The following CMSS1 variants were observed in gnomAD, a reference collection of about 807,000 sequenced individuals.
CMSS1 encodes protein CMSS1.
A neutral mutation model predicts 43.5 loss-of-function variants in CMSS1; 33 were observed. The ratio of observed to expected loss-of-function variants is 0.76; its 90% CI spans 0.57 to 1.01. The LOEUF is 1.01. CMSS1 is among the 50% of genes least tolerant of loss of function. CMSS1 has a pLI of 0.00. For synonymous variants in CMSS1, 115 were observed against 117.2 expected, an observed-to-expected ratio of 0.98 and a Z score of 0.12; for missense variants, 313 against 326.4, an observed-to-expected ratio of 0.96 and a Z score of 0.32.
At chr3:100,142,781 T>G (rs1449445141) in intron 1 of CMSS1, among the ~76,000 whole-genome samples, 1 of 152,216 alleles carries the variant, frequency 6.6e-6, no homozygotes, top group Non-Finnish European at 1.5e-5. Flanking sequence ...TATAAGGGAT[T>G]AAATGCTTTA....
chr3:99,965,073 A>G (rs1397439461), intron 1 of CMSS1, among the ~76,000 whole-genome samples: 1 of 152,226 alleles, frequency 6.6e-6, no homozygotes, highest in Non-Finnish European at 1.5e-5. Context: ...GGAAATTTAC[A>G]AGTGTTATTT....
chr3:100,083,999 G>A (rs528674373), intron 1 of CMSS1, among the ~76,000 whole-genome samples: 56 of 152,206 alleles, frequency 3.7e-4, no homozygotes, highest in African/African-American at 1.3e-3. Context: ...ATATTTCTCC[G>A]TTATAGTTAA....
chr3:99,887,931 G>C (rs1705961957), intron 1 of CMSS1, among the ~76,000 whole-genome samples: 1 of 151,916 alleles, frequency 6.6e-6, no homozygotes, highest in African/African-American at 2.4e-5. Flanking sequence ...ATAAAGATGG[G>C]GTTTTGCCAT....
chr3:99,978,933 G>T (rs892144357), intron 1 of CMSS1, among the ~76,000 whole-genome samples: 1 of 152,116 alleles, frequency 6.6e-6, no homozygotes, highest in Non-Finnish European at 1.5e-5. Flanking sequence ...GATTACTGGA[G>T]GCTGGGAGGA....
At chr3:100,009,653 G>A (rs890162642) in intron 1 of CMSS1, among the ~76,000 whole-genome samples, 1 of 152,182 alleles carries the variant, frequency 6.6e-6, no homozygotes, top group Non-Finnish European at 1.5e-5. Flanking sequence ...ACATCTAAGT[G>A]TTAAGGGGAA....
chr3:100,032,597 CAT>C (rs1262324063), intron 1 of CMSS1, among the ~76,000 whole-genome samples: 2 of 152,060 alleles, frequency 1.3e-5, no homozygotes, highest in Non-Finnish European at 2.9e-5. Flanking sequence ...CACAAGAACA[CAT>C]AAAAATCTCT....
At chr3:100,052,781 A>G (rs1486897245) in intron 1 of CMSS1, among the ~76,000 whole-genome samples, 2 of 152,238 alleles carry the variant, frequency 1.3e-5, no homozygotes, top group Non-Finnish European at 2.9e-5. Flanking sequence ...TATATACTGT[A>G]TAAGGTAAAC....
intron 1 of CMSS1, among the ~76,000 whole-genome samples, chr3:99,824,704 G>A (rs917620443): frequency 1.3e-5 from 2 of 152,178 alleles, no homozygotes; most frequent in African/African-American, 4.8e-5. Flanking sequence ...AATTACATTA[G>A]TAGTCCTTGT....
chr3:100,094,474 T>C (rs927715271), intron 1 of CMSS1, among the ~76,000 whole-genome samples: 1 of 152,150 alleles, frequency 6.6e-6, no homozygotes, highest in South Asian at 2.1e-4. Context: ...ATTATACTTT[T>C]GGTGTTAAGT....
At chr3:100,139,686 A>G (rs1405441237) in intron 1 of CMSS1, among the ~76,000 whole-genome samples, 1 of 150,748 alleles carries the variant, frequency 6.6e-6, no homozygotes, top group South Asian at 2.1e-4. Context: ...AATCCCAGCT[A>G]CCCAGGAGGC....
At chr3:100,010,409 A>G (rs1017570186) in intron 1 of CMSS1, among the ~76,000 whole-genome samples, 2 of 152,038 alleles carry the variant, frequency 1.3e-5, no homozygotes, top group Non-Finnish European at 2.9e-5. Flanking sequence ...CTTTATAGCT[A>G]TTGTCCTCAA....
intron 1 of CMSS1, among the ~76,000 whole-genome samples, chr3:100,064,049 T>C (rs1422269983): frequency 2.0e-5 from 3 of 152,310 alleles, no homozygotes; most frequent in South Asian, 2.1e-4. Flanking sequence ...TAGAAGCAGG[T>C]GGAAGAGTTC....
intron 1 of CMSS1, among the ~76,000 whole-genome samples, chr3:100,138,988 T>C (rs2066779230): frequency 6.6e-6 from 1 of 152,184 alleles, no homozygotes; most frequent in Admixed American, 6.5e-5. Context: ...GTGGTACATA[T>C]ATACCATGGA....
chr3:100,139,481 A>C (rs2066784316), intron 1 of CMSS1, among the ~76,000 whole-genome samples: 1 of 151,108 alleles, frequency 6.6e-6, no homozygotes, highest in African/African-American at 2.4e-5. Context: ...CAGGAGTTTG[A>C]GACCAGCCTG....
chr3:99,997,769 A>G (rs1300998646), intron 1 of CMSS1, among the ~76,000 whole-genome samples: 1 of 152,236 alleles, frequency 6.6e-6, no homozygotes, highest in African/African-American at 2.4e-5. Flanking sequence ...AAAAGATAAA[A>G]TAAGAATAGC....
intron 2 of CMSS1, among the ~76,000 whole-genome samples, chr3:100,154,671 A>G (rs1222901518): frequency 6.6e-6 from 1 of 152,212 alleles, no homozygotes; most frequent in Non-Finnish European, 1.5e-5. Flanking sequence ...AATCATACAT[A>G]TATTTTTAAA....
At chr3:100,097,276 A>G (rs2066226392) in intron 1 of CMSS1, among the ~76,000 whole-genome samples, 1 of 152,252 alleles carries the variant, frequency 6.6e-6, no homozygotes, top group Non-Finnish European at 1.5e-5. Flanking sequence ...GTCTTCCACA[A>G]AACCAGTCCC....
chr3:100,094,674 CTTTTTT>C (rs71132509), intron 1 of CMSS1, among the ~76,000 whole-genome samples: 1 of 57,000 alleles, frequency 1.8e-5, no homozygotes, highest in Non-Finnish European at 3.2e-5. Flanking sequence ...GAAAAGCTGC[CTTTTTT>C]TTTTTTTTTT....
chr3:100,008,361 C>G (rs965084557), intron 1 of CMSS1, among the ~76,000 whole-genome samples: 8 of 152,148 alleles, frequency 5.3e-5, no homozygotes, highest in Non-Finnish European at 8.8e-5. Flanking sequence ...AGAAAAAAAG[C>G]AGCCAAAGTT....
Sources: gnomAD v4.1 joint callset for allele counts (sites outside exome capture counted in the v4.1 genomes callset) on GRCh38, gnomAD v4.1.1 for gene constraint, MANE v1.5 for transcripts, NCBI Gene and HGNC (gene_info 2026-07-23, HGNC 2026-07-21) for gene names.